ADNP: variants seen among roughly 807,000 people sequenced by gnomAD.
The protein encoded by ADNP is activity-dependent neuroprotector homeobox protein.
Under a neutral mutation model 84.9 loss-of-function variants are expected in ADNP, and 4 were observed. The observed-to-expected ratio is 0.05, with a 90% CI of 0.02 to 0.11. The LOEUF (loss-of-function observed/expected upper bound fraction) is 0.11, where lower values mean the gene tolerates loss of function less well. Ranked by LOEUF, ADNP falls within the 10% of genes least tolerant of loss-of-function variation. The probability of loss-of-function intolerance (pLI) is 1.00; values close to 1 mark genes in which losing one functional copy is unlikely to be tolerated. For missense variants in ADNP, 1,132 were observed against 1,326.0 expected (o/e 0.85, Z 2.27); for synonymous variants, 554 against 468.1 (o/e 1.18, Z -2.37).
intron 2 of ADNP, chr20:50,905,363 T>G (rs1162474626): frequency 6.6e-6 from 1 of 152,196 alleles, no homozygotes; most frequent in Non-Finnish European, 1.5e-5. Context: ...ATTTAATATA[T>G]GCAAATCCAG....
chr20:50,926,048 C>A (rs772413660), intron 2 of ADNP, among the ~76,000 whole-genome samples: 1 of 152,162 alleles, frequency 6.6e-6, no homozygotes, highest in Non-Finnish European at 1.5e-5. Context: ...TGCAGTGAGC[C>A]GACATTGGGC....
At chr20:50,895,160 C>T (rs368699785) in intron 5 of ADNP, among the ~76,000 whole-genome samples, 13 of 152,186 alleles carry the variant, frequency 8.5e-5, no homozygotes, top group African/African-American at 2.9e-4. Context: ...GTTTACTATA[C>T]AGTCATGTGT....
chr20:50,892,575 T>C lies in ADNP; in HGVS notation c.2139A>G (p.Ala713=), dbSNP rs778947446. The change falls in exon 6 of 6, where the codon GCA becomes GCG. Residue 713 remains alanine (A), a synonymous_variant. Transcript: ENST00000621696. ...TTTGCTCGTAAGTGCGCTTCACAGG[T>C]GCCAGACTTGGAGACTGATTAAGCC... ...PSRLNQSPSL[A]PVKRTYEQME... 1.2e-6 allele frequency: 2 copies of C among 1,614,080 alleles called. No individual in the cohort carries two copies. The highest frequency in any genetic ancestry group is 2.7e-5 in the African/African-American group (2 of 74,932).
chr20:50,930,989 CGCGGGT>C lies in ADNP; in HGVS notation c.-434_-429del, dbSNP rs1236549108. 1 of 144,606 alleles carries C rather than the reference CGCGGGT, an allele frequency of 6.9e-6. No homozygotes were observed. The highest frequency in any genetic ancestry group is 2.5e-5 in the African/African-American group (1 of 39,804). The allele number at this position is 144,606 out of a possible 1,614,324, so 9.0% of individuals were successfully genotyped here. ...GGCGGACTCCGGCTCGCGCCGCGGC[CGCGGGT>C]GCTGCCGGGGGGCGCGGCGGGCGCA... is the stretch of plus-strand genomic sequence containing the variant. On this transcript the variant is annotated 5_prime_UTR_variant, in exon 1 of 6. Coordinates refer to ENST00000621696, the MANE Select transcript of ADNP (RefSeq NM_001282531.3).
chr20:50,919,307 A>G (rs1470896849), intron 2 of ADNP, among the ~76,000 whole-genome samples: 6 of 137,436 alleles, frequency 4.4e-5, no homozygotes, highest in Non-Finnish European at 1.5e-5. Flanking sequence ...ATATATATAT[A>G]TATATATATG....
At chr20:50,903,826 T>G in intron 4 of ADNP, 63 bp downstream of exon 4, 1 of 1,286,038 alleles carries the variant, frequency 7.8e-7, no homozygotes, top group Non-Finnish European at 1.1e-6. Context: ...TCTTGGCCAC[T>G]GACACAAAGT....
intron 4 of ADNP, among the ~76,000 whole-genome samples, chr20:50,902,349 TG>T (rs1301962090): frequency 1.3e-5 from 2 of 152,188 alleles, no homozygotes; most frequent in Non-Finnish European, 2.9e-5. Flanking sequence ...AGGAAATTGC[TG>T]GAAGTTCTAA....
rs1256435596 is a variant in ADNP, at chr20:50,929,874, G to A, written c.-265+952C>T. On this transcript the variant is annotated intron_variant, in intron 1 of 5. Coordinates refer to ENST00000621696, the MANE Select transcript of ADNP (RefSeq NM_001282531.3). ...GCCTTTGTCTGTGAAATGGGGTTAT[G>A]GCAAGAAGTGTCCAGAGTAACTGGT... Among the ~76,000 whole-genome samples, 5 of 152,098 alleles carry A rather than the reference G, an allele frequency of 3.3e-5. No individual in the cohort carries two copies. In the East Asian group the frequency reaches 5.8e-4, roughly 18 times the overall value.
Position 50,894,420 on chromosome 20 carries a change from A to G in ADNP, c.294T>C (p.Ser98=), listed in dbSNP as rs746873965. The change falls in exon 6 of 6, where the codon AGT becomes AGC. Residue 98 remains serine (S), a synonymous_variant. Transcript: ENST00000621696. ...AYKSHFRNVH[S]EDFENRILLN... ...GGAGAATCCTATTTTCAAAGTCTTC[A>G]CTATGGACATTGCGGAAATGACTTT... The G allele has an allele frequency of 1.9e-6, 3 of 1,613,980 alleles. No homozygotes were observed. The highest frequency in any genetic ancestry group is 1.3e-5 in the African/African-American group (1 of 74,920).
chr20:50,911,975 G>A (rs944358534), intron 2 of ADNP, among the ~76,000 whole-genome samples: 7 of 151,676 alleles, frequency 4.6e-5, no homozygotes, highest in East Asian at 3.9e-4. Flanking sequence ...TATAATGTTC[G>A]GGAACCAAAA....
At chr20:50,918,429 T>C (rs899185686) in intron 2 of ADNP, among the ~76,000 whole-genome samples, 1 of 152,200 alleles carries the variant, frequency 6.6e-6, no homozygotes, top group Non-Finnish European at 1.5e-5. Context: ...TTTGACACTA[T>C]AATCATTTAA....
rs1980574862 is a variant in ADNP at position 50,890,471 on chromosome 20, T to C, written c.*934A>G. 6.6e-6 allele frequency: 1 copy of C among 152,602 alleles called. No homozygotes were observed. Among genetic ancestry groups the C allele is most frequent in the East Asian group, 1.9e-4 (1 of 5,200 alleles). 9.5% of individuals were successfully genotyped at this position (152,602 alleles called of 1,614,324 possible). Reference sequence around the variant, plus strand: ...TTAGATGGTATAAATGAATCCACCATGATGGTGTTGAACTAAAGATAAAAC... The same window carrying C: ...TTAGATGGTATAAATGAATCCACCACGATGGTGTTGAACTAAAGATAAAAC... On this transcript the variant is annotated 3_prime_UTR_variant, in exon 6 of 6. Coordinates refer to ENST00000621696, the MANE Select transcript of ADNP (RefSeq NM_001282531.3).
In ADNP at chr20:50,903,894, T is replaced by C. The variant is rs372633654; in HGVS notation, c.103A>G (p.Ile35Val). 86 of 1,609,830 alleles carry C rather than the reference T, an allele frequency of 5.3e-5. No homozygotes were observed. The highest frequency in any genetic ancestry group is 6.5e-5 in the Non-Finnish European group (77 of 1,176,960). ...AAAAATGACATGCTACTTACTTCTA[T>C]ATGTTCTTTACAGTATTCCAACCCA... ...DIGLEYCKEHIEDFKQFEPND... is the reference protein window; with the variant it reads ...DIGLEYCKEHVEDFKQFEPND... The change falls in exon 4 of 6, where the codon ATA (isoleucine) becomes GTA (valine). Residue 35 changes from isoleucine (I) to valine (V), a missense_variant. By Grantham distance (29) the Ile-to-Val change is conservative. Coordinates refer to ENST00000621696, the MANE Select transcript of ADNP (RefSeq NM_001282531.3).
chr20:50,892,381 T>C lies in ADNP; in HGVS notation c.2333A>G (p.Gln778Arg). ...KSFLTKYFNKQPYPTRREIEK... is the reference protein window; with the variant it reads ...KSFLTKYFNKRPYPTRREIEK... ...AATTTCTCTCCTGGTGGGATAGGGC[T>C]GTTTGTTGAAATACTTTGTTAGAAA... The change falls in exon 6 of 6, where the codon CAG becomes CGG. Residue 778 changes from glutamine to arginine, a missense_variant. This residue lies in a region of ADNP where 41 missense variants were observed against 78.4 expected (regional missense o/e 0.52). Coordinates refer to ENST00000621696, the MANE Select transcript of ADNP (RefSeq NM_001282531.3). 1 of 1,614,216 alleles carries C rather than the reference T, an allele frequency of 6.2e-7. No homozygotes were observed. Among genetic ancestry groups the C allele is most frequent in the Non-Finnish European group, 8.5e-7 (1 of 1,180,048 alleles).
At chr20:50,909,028 G>A (rs371313034) in intron 2 of ADNP, among the ~76,000 whole-genome samples, 1 of 150,902 alleles carries the variant, frequency 6.6e-6, no homozygotes, top group Non-Finnish European at 1.5e-5. Flanking sequence ...ACATGCAGAA[G>A]GATAGCTAAT....
At position 50,891,055 on chromosome 20, in the gene ADNP, G is replaced by A. The variant is rs1980645647; in HGVS notation, c.*350C>T. On this transcript the variant is annotated 3_prime_UTR_variant, in exon 6 of 6. Transcript: ENST00000621696. ...TTGTATGTTGGCCCTACACTACCATGTGAATTAGTTTAACACTTCTCAAAG... is the reference window on the plus strand; with the variant it reads ...TTGTATGTTGGCCCTACACTACCATATGAATTAGTTTAACACTTCTCAAAG... 4.7e-6 allele frequency: 5 copies of A among 1,070,426 alleles called. No homozygotes were observed. Among genetic ancestry groups the A allele is most frequent in the African/African-American group, 1.7e-5 (1 of 59,702 alleles). The allele number at this position is 1,070,426 out of a possible 1,614,324, so 66.3% of individuals were successfully genotyped here.
chr20:50,930,094 AGT>A (rs945806209), intron 1 of ADNP, among the ~76,000 whole-genome samples: 7 of 152,024 alleles, frequency 4.6e-5, no homozygotes, highest in African/African-American at 1.5e-4. Context: ...GGTGAATACG[AGT>A]GTGTTCACAA....
intron 2 of ADNP, among the ~76,000 whole-genome samples, chr20:50,919,328 G>A (rs1983775643): frequency 7.4e-6 from 1 of 134,276 alleles, no homozygotes; most frequent in South Asian, 2.3e-4. Context: ...TAAAAAGCCA[G>A]GTGTGATGGT....
At chr20:50,908,869 A>G (rs958686294) in intron 2 of ADNP, among the ~76,000 whole-genome samples, 3 of 152,140 alleles carry the variant, frequency 2.0e-5, no homozygotes, top group Non-Finnish European at 2.9e-5. Context: ...AACAGAATAG[A>G]TAAGAAATTG....
Sources: gnomAD v4.1 joint callset for allele counts (sites outside exome capture counted in the v4.1 genomes callset) on GRCh38, gnomAD v4.1.1 for gene constraint, gnomAD v4.1.1 regional missense constraint, MANE v1.5 for transcripts, NCBI Gene and HGNC (gene_info 2026-07-23, HGNC 2026-07-21) for gene names.